The following AP1G1 variants were observed in gnomAD, a reference collection of about 807,000 sequenced individuals.
AP1G1 encodes adaptor related protein complex 1 subunit gamma 1.
In AP1G1, 7 loss-of-function variants were observed where a neutral mutation model predicts 108.3. The observed-to-expected ratio is 0.06, with a 90% CI of 0.04 to 0.12. AP1G1 has a LOEUF of 0.12. AP1G1 is among the 10% of genes least tolerant of loss of function. The pLI is 1.00. For synonymous variants in AP1G1, 379 were observed against 353.5 expected, an observed-to-expected ratio of 1.07 and a Z score of -0.81; for missense variants, 756 against 1,010.7, an observed-to-expected ratio of 0.75 and a Z score of 3.42.
intron 6 of AP1G1, among the ~76,000 whole-genome samples, chr16:71,765,935 G>A (rs1191575730): frequency 6.6e-6 from 1 of 152,102 alleles, no homozygotes; most frequent in African/African-American, 2.4e-5. Flanking sequence ...GAAAAGCCTA[G>A]GTGGCAAAAA....
chr16:71,806,265 G>A (rs1437738381), intron 1 of AP1G1, among the ~76,000 whole-genome samples: 1 of 152,114 alleles, frequency 6.6e-6, no homozygotes, highest in Non-Finnish European at 1.5e-5. Flanking sequence ...AGAAAACGGA[G>A]GTTTCCTAAA....
At chr16:71,768,139 C>T (rs2031390730) in intron 6 of AP1G1, among the ~76,000 whole-genome samples, 1 of 139,036 alleles carries the variant, frequency 7.2e-6, no homozygotes, top group Middle Eastern at 3.9e-3. Flanking sequence ...CAGTCTTCTT[C>T]TGAGTCTAAA....
chr16:71,770,692 G>A (rs1299627252), intron 5 of AP1G1, among the ~76,000 whole-genome samples: 1 of 152,158 alleles, frequency 6.6e-6, no homozygotes, highest in African/African-American at 2.4e-5. Context: ...TGCCCAGGCT[G>A]GTCCTGAGCT....
intron 19 of AP1G1, among the ~76,000 whole-genome samples, chr16:71,740,982 AAGAAAT>A (rs2045612243): frequency 6.6e-6 from 1 of 152,220 alleles, no homozygotes; most frequent in Non-Finnish European, 1.5e-5. Flanking sequence ...GGGTGGGAAA[AAGAAAT>A]AGATTACCAT....
chr16:71,786,795 G>C (rs1244045718), intron 2 of AP1G1, among the ~76,000 whole-genome samples: 1 of 152,010 alleles, frequency 6.6e-6, no homozygotes, highest in Non-Finnish European at 1.5e-5. Flanking sequence ...GGGCACAATA[G>C]TGCACGCCTG....
In AP1G1 at chr16:71,797,736, T is replaced by C. The variant is rs143695160; in HGVS notation, c.-3-8254A>G. Among the ~76,000 whole-genome samples the C allele has an allele frequency of 5.3e-5, 8 of 152,148 alleles. No individual in the cohort carries two copies. The East Asian group carries it at 7.7e-4, about 15-fold the overall frequency. The stretch of plus-strand genomic sequence containing the variant: ...ATCGCTTGAACCCAGGAGGCGGGGA[T>C]TGCAGTGACCTGAGATCGTGCCACT... On this transcript the variant is annotated intron_variant, in intron 1 of 22. Coordinates refer to ENST00000299980, the MANE Select transcript of AP1G1 (RefSeq NM_001128.6).
intron 6 of AP1G1, among the ~76,000 whole-genome samples, chr16:71,767,663 C>T (rs2031371002): frequency 6.6e-6 from 1 of 152,172 alleles, no homozygotes; most frequent in Non-Finnish European, 1.5e-5. Flanking sequence ...AAGGCTGCAA[C>T]TGAAATCCAA....
At chr16:71,743,035 T>G (rs929358599) in intron 19 of AP1G1, 1 of 152,252 alleles carries the variant, frequency 6.6e-6, no homozygotes, top group South Asian at 2.1e-4. Context: ...CAGAGCAAAT[T>G]TGTTGATAAA....
intron 13 of AP1G1, among the ~76,000 whole-genome samples, chr16:71,750,911 C>G (rs2030459542): frequency 6.6e-6 from 1 of 151,604 alleles, no homozygotes; most frequent in South Asian, 2.1e-4. Flanking sequence ...AATCCCAGCA[C>G]TTTGGGAGGC....
In AP1G1 at chr16:71,794,847, T is replaced by C. The variant is rs1205414915; in HGVS notation, c.-3-5365A>G. ...GCCATGAGAAGTGCTTTTTTTTTTT[T>C]TTTTTTTTTTTTTTTTTACTTTGAA... On this transcript the variant is annotated intron_variant, in intron 1 of 22. Transcript: ENST00000299980. Among the ~76,000 whole-genome samples the C allele has an allele frequency of 4.9e-5, 7 of 141,838 alleles. 1 individual carries two copies. The highest frequency in any genetic ancestry group is 1.8e-4 in the African/African-American group (7 of 38,134). 93.1% of individuals were successfully genotyped at this position (141,838 alleles called of 152,430 possible).
At chr16:71,800,590 A>G (rs1432858161) in intron 1 of AP1G1, among the ~76,000 whole-genome samples, 4 of 151,058 alleles carry the variant, frequency 2.6e-5, no homozygotes, top group African/African-American at 9.8e-5. Context: ...TCACGAGGTC[A>G]GGAGATGGAG....
chr16:71,753,273 T>A (rs2030603434), intron 13 of AP1G1, among the ~76,000 whole-genome samples: 1 of 152,200 alleles, frequency 6.6e-6, no homozygotes, highest in Non-Finnish European at 1.5e-5. Context: ...CAAAACAGGA[T>A]TTCAAATCCT....
At position 71,770,143 on chromosome 16, in the gene AP1G1, CA is replaced by C. The variant is rs544118772; in HGVS notation, c.566-445del. Among the ~76,000 whole-genome samples the C allele has an allele frequency of 2.4e-4, 37 of 152,230 alleles. No homozygotes were observed. The South Asian group carries it at 5.8e-3, about 24-fold the overall frequency. ...AAAACTCTGAGAAAACTTTGGATGA[CA>C]AAGTAAATTTAACTGCTCCAGAGTC... On this transcript the variant is annotated intron_variant, in intron 5 of 22. Coordinates refer to ENST00000299980, the MANE Select transcript of AP1G1 (RefSeq NM_001128.6).
chr16:71,740,768 A>C (rs1004716395), intron 19 of AP1G1, among the ~76,000 whole-genome samples: 6 of 152,254 alleles, frequency 3.9e-5, no homozygotes, highest in African/African-American at 1.4e-4. Flanking sequence ...AATGTTAAAC[A>C]CTACTTTAGG....
intron 1 of AP1G1, among the ~76,000 whole-genome samples, chr16:71,794,957 A>G (rs762834418): frequency 2.7e-5 from 4 of 150,344 alleles, no homozygotes; most frequent in African/African-American, 4.9e-5. Context: ...CTATAAGAAT[A>G]CAAACTTGAT....
intron 3 of AP1G1, 108 bp downstream of exon 3, chr16:71,774,360 C>A: frequency 8.1e-7 from 1 of 1,231,520 alleles, no homozygotes; most frequent in Non-Finnish European, 1.1e-6. Flanking sequence ...GTCAAGATCA[C>A]GCCACTTCAC....
At chr16:71,772,284 C>G (rs371024916) in intron 4 of AP1G1, among the ~76,000 whole-genome samples, 3 of 152,066 alleles carry the variant, frequency 2.0e-5, no homozygotes, top group Non-Finnish European at 4.4e-5. Context: ...CCCGCCACCA[C>G]GCCCGGCTAA....
chr16:71,793,340 C>T (rs2032470318), intron 1 of AP1G1, among the ~76,000 whole-genome samples: 2 of 152,094 alleles, frequency 1.3e-5, no homozygotes, highest in South Asian at 4.1e-4. Context: ...CACACTATAA[C>T]ATCTACTTTA....
chr16:71,759,187 G>A (rs1018730606), intron 10 of AP1G1, among the ~76,000 whole-genome samples: 1 of 152,178 alleles, frequency 6.6e-6, no homozygotes, highest in African/African-American at 2.4e-5. Context: ...GGCCGGGCAT[G>A]GTGGCTCACA....
Sources: gnomAD v4.1 joint callset for allele counts (sites outside exome capture counted in the v4.1 genomes callset) on GRCh38, gnomAD v4.1.1 for gene constraint, MANE v1.5 for transcripts, NCBI Gene and HGNC (gene_info 2026-07-23, HGNC 2026-07-21) for gene names.